The following SYNCRIP variants were observed in gnomAD, a reference collection of about 807,000 sequenced individuals.
The protein encoded by SYNCRIP is heterogeneous nuclear ribonucleoprotein Q.
A neutral mutation model predicts 68.9 loss-of-function variants in SYNCRIP; 9 were observed. That is an observed-to-expected ratio of 0.13 (90% confidence interval 0.08 to 0.23). SYNCRIP has a LOEUF of 0.23. SYNCRIP is among the 10% of genes least tolerant of loss of function. The pLI, the probability that SYNCRIP is intolerant of heterozygous loss-of-function variation, is 1.00. For missense variants in SYNCRIP, 414 were observed against 770.6 expected (o/e 0.54, Z 5.48); for synonymous variants, 258 against 254.0 (o/e 1.02, Z -0.15).
intron 6 of SYNCRIP, among the ~76,000 whole-genome samples, chr6:85,628,878 A>T (rs1160162374): frequency 1.3e-5 from 2 of 152,220 alleles, no homozygotes; most frequent in Non-Finnish European, 2.9e-5. Flanking sequence ...CGTATCATGA[A>T]CAGTCCAACT....
At chr6:85,641,036 T>A (rs1269910801) in intron 2 of SYNCRIP, among the ~76,000 whole-genome samples, 3 of 152,202 alleles carry the variant, frequency 2.0e-5, no homozygotes, top group Non-Finnish European at 2.9e-5. Flanking sequence ...TTCCCAACAT[T>A]TAGCAGCTGT....
chr6:85,621,239 G>A (rs1230879007), intron 8 of SYNCRIP, among the ~76,000 whole-genome samples: 1 of 152,046 alleles, frequency 6.6e-6, no homozygotes, highest in Non-Finnish European at 1.5e-5. Flanking sequence ...TAGCTCCCTG[G>A]CAGTTCATAT....
Position 85,614,830 on chromosome 6 carries a change from G to C in SYNCRIP, c.1798C>G (p.His600Asp), listed in dbSNP as rs1338728345. The change falls in exon 11 of 11, where the codon CAT becomes GAT. Residue 600 changes from histidine to aspartate, a missense_variant. Around this residue, in one of 6 missense-constraint regions of SYNCRIP, gnomAD observed 130 missense variants for 149.0 expected, o/e 0.87. Transcript: ENST00000369622. ...GATTTGTAACCATAGTTACCAGAATGATCACCACCTTGGAGCGGTTGCTGA... is the reference window on the plus strand; with the variant it reads ...GATTTGTAACCATAGTTACCAGAATCATCACCACCTTGGAGCGGTTGCTGA... ...IAQQPLQGGD[H>D]SGNYGYKSEN... 6.2e-7 allele frequency: 1 copy of C among 1,613,916 alleles called. No individual in the cohort carries two copies. The highest frequency in any genetic ancestry group is 8.5e-7 in the Non-Finnish European group (1 of 1,179,972).
chr6:85,628,708 C>A (rs1289618749), intron 6 of SYNCRIP, among the ~76,000 whole-genome samples: 1 of 152,210 alleles, frequency 6.6e-6, no homozygotes. Context: ...GGCAACCACA[C>A]ATTACTGACA....
chr6:85,625,632 C>T (rs531746385), intron 6 of SYNCRIP, among the ~76,000 whole-genome samples: 20 of 152,198 alleles, frequency 1.3e-4, no homozygotes, highest in Middle Eastern at 3.4e-3. Context: ...GTGATCCACT[C>T]GCCTCGGCCT....
chr6:85,633,260 A>AAACTTACTAAAAAGT, intron 6 of SYNCRIP, among the ~76,000 whole-genome samples: 1 of 116,952 alleles, frequency 8.6e-6, no homozygotes, highest in East Asian at 3.2e-4. Context: ...CATCTCAAAA[A>AAACTTACTAAAAAGT]CAAATAAATA....
At chr6:85,630,762 TC>T (rs1807676794) in intron 6 of SYNCRIP, among the ~76,000 whole-genome samples, 1 of 152,130 alleles carries the variant, frequency 6.6e-6, no homozygotes, top group Admixed American at 6.5e-5. Context: ...AGGTTATTTA[TC>T]CAACACCTAC....
At chr6:85,643,514 C>T (rs1809454503), upstream of SYNCRIP, among the ~76,000 whole-genome samples, 1 of 151,972 alleles carries the variant, frequency 6.6e-6, no homozygotes, top group Non-Finnish European at 1.5e-5. Flanking sequence ...CCTCCCGACA[C>T]TCCCCCTCCC....
At chr6:85,618,278 C>G (rs1442675657) in intron 10 of SYNCRIP, among the ~76,000 whole-genome samples, 2 of 151,968 alleles carry the variant, frequency 1.3e-5, no homozygotes, top group African/African-American at 2.4e-5. Context: ...TGGTGGCTCA[C>G]AGCTGTAATC....
intron 8 of SYNCRIP, among the ~76,000 whole-genome samples, chr6:85,620,327 C>CA (rs574065250): frequency 6.6e-6 from 1 of 152,084 alleles, no homozygotes; most frequent in Non-Finnish European, 1.5e-5. Context: ...GTGGCACATA[C>CA]AGAAGGAATA....
At chr6:85,618,143 T>A (rs1805985540) in intron 10 of SYNCRIP, among the ~76,000 whole-genome samples, 1 of 152,012 alleles carries the variant, frequency 6.6e-6, no homozygotes, top group Admixed American at 6.5e-5. Flanking sequence ...ATTTCCTATC[T>A]CTCAGAGAAA....
intron 6 of SYNCRIP, among the ~76,000 whole-genome samples, chr6:85,634,319 AT>A (rs1284433187): frequency 6.6e-6 from 1 of 152,210 alleles, no homozygotes; most frequent in Non-Finnish European, 1.5e-5. Context: ...GAAAACATCT[AT>A]AAATAAGTTA....
At chr6:85,634,658 T>C (rs1212926241) in intron 6 of SYNCRIP, among the ~76,000 whole-genome samples, 2 of 152,268 alleles carry the variant, frequency 1.3e-5, no homozygotes, top group East Asian at 3.9e-4. Context: ...GGACCCACAG[T>C]AGAGAGAGCC....
intron 8 of SYNCRIP, among the ~76,000 whole-genome samples, 178 bp downstream of exon 8, chr6:85,622,304 G>C (rs1421432032): frequency 6.6e-6 from 1 of 152,166 alleles, no homozygotes; most frequent in African/African-American, 2.4e-5. Context: ...GGGAGGCGGA[G>C]GTTGCAGTGA....
chr6:85,638,848 C>T (rs974247), intron 4 of SYNCRIP, among the ~76,000 whole-genome samples: 5,034 of 152,218 alleles, frequency 0.033, 146 homozygotes, highest in Admixed American at 0.052. Context: ...AAAGGAAAAA[C>T]TTATTCCCTC....
chr6:85,637,405 C>T (rs1359898164), intron 4 of SYNCRIP, 49 bp from the exon 5 acceptor site: 5 of 1,195,730 alleles, frequency 4.2e-6, no homozygotes, highest in Non-Finnish European at 4.9e-6. Flanking sequence ...TAGACCACAC[C>T]CATATATTTA....
chr6:85,637,042 T>G lies in SYNCRIP; in HGVS notation c.591A>C (p.Pro197=). Residue 197 remains proline (P), a synonymous_variant, in exon 6 of 11, where the codon CCA becomes CCC. Coordinates refer to ENST00000369622, the MANE Select transcript of SYNCRIP (RefSeq NM_006372.5). ...PIWDLRLMMD[P]LTGLNRGYAF... Reference sequence around the variant, plus strand: ...CATAACCTCTATTGAGACCAGTGAGTGGATCCATCATTAGACGAAGATCCC... The same window carrying G: ...CATAACCTCTATTGAGACCAGTGAGGGGATCCATCATTAGACGAAGATCCC... 1 of 1,614,142 alleles carries G rather than the reference T, an allele frequency of 6.2e-7. No homozygotes were observed. The highest frequency in any genetic ancestry group is 8.5e-7 in the Non-Finnish European group (1 of 1,180,024).
At chr6:85,617,777 A>C (rs1462100034) in intron 10 of SYNCRIP, among the ~76,000 whole-genome samples, 2 of 152,244 alleles carry the variant, frequency 1.3e-5, no homozygotes, top group African/African-American at 4.8e-5. Context: ...AATTCCAAAC[A>C]GGGCAATCAA....
chr6:85,623,877 G>GA, intron 7 of SYNCRIP, 100 bp downstream of exon 7: 1 of 1,402,248 alleles, frequency 7.1e-7, no homozygotes, highest in East Asian at 2.3e-5. Flanking sequence ...AGGATTCGAT[G>GA]AGTCAATAAA....
Sources: gnomAD v4.1 joint callset for allele counts (sites outside exome capture counted in the v4.1 genomes callset) on GRCh38, gnomAD v4.1.1 for gene constraint, gnomAD v4.1.1 regional missense constraint, MANE v1.5 for transcripts, NCBI Gene and HGNC (gene_info 2026-07-23, HGNC 2026-07-21) for gene names.